The following SMARCA2 variants were observed in gnomAD, a reference collection of about 807,000 sequenced individuals.
SMARCA2 encodes the protein SWI/SNF related BAF chromatin remodeling complex subunit ATPase 2, also known as SWI/SNF-related matrix-associated actin-dependent regulator of chromatin subfamily A member 2.
SMARCA2 carries 61 observed loss-of-function variants against 199.8 expected under a neutral mutation model. The observed-to-expected ratio is 0.31, with a 90% CI of 0.25 to 0.38. The LOEUF (loss-of-function observed/expected upper bound fraction) is 0.38, where lower values mean the gene tolerates loss of function less well. Ranked by LOEUF, SMARCA2 falls within the 10% of genes least tolerant of loss-of-function variation. SMARCA2 has a pLI of 1.00. For synonymous variants in SMARCA2, 935 were observed against 732.0 expected (o/e 1.28, Z -4.48); for missense variants, 1,344 against 2,012.2 (o/e 0.67, Z 6.35).
Position 2,029,128 on chromosome 9 carries a change from T to A in SMARCA2, c.106T>A (p.Ser36Thr). The change falls in exon 2 of 34, where the codon TCC (serine) becomes ACC (threonine). Residue 36 changes from serine to threonine, a missense_variant. Ser to Thr is a moderately conservative substitution (Grantham distance 58, BLOSUM62 1). Transcript: ENST00000349721. Reference sequence around the variant, plus strand: ...TGGGCCTAGTCCAGGACCAGGACCATCCCCAGGTTCCGTCCACAGCATGAT... The same window carrying A: ...TGGGCCTAGTCCAGGACCAGGACCAACCCCAGGTTCCGTCCACAGCATGAT... ...ILGPSPGPGP[S>T]PGSVHSMMGP... is the part of the protein sequence containing the mutation. The A allele has an allele frequency of 6.2e-7, 1 of 1,610,020 alleles. No individual in the cohort carries two copies. Among genetic ancestry groups the A allele is most frequent in the Non-Finnish European group, 8.5e-7 (1 of 1,177,970 alleles).
intron 27 of SMARCA2, among the ~76,000 whole-genome samples, chr9:2,141,941 C>T (rs561051893): frequency 1.2e-4 from 18 of 152,214 alleles, no homozygotes; most frequent in African/African-American, 4.1e-4. Flanking sequence ...GGAGGACTTA[C>T]GCAGAATTGA....
At chr9:2,053,680 A>G (rs1030151371) in intron 5 of SMARCA2, among the ~76,000 whole-genome samples, 1 of 152,216 alleles carries the variant, frequency 6.6e-6, no homozygotes, top group African/African-American at 2.4e-5. Context: ...AATCTAGTTC[A>G]GTACAGTTTG....
At chr9:2,098,494 C>G (rs1041449182) in intron 21 of SMARCA2, among the ~76,000 whole-genome samples, 1 of 152,152 alleles carries the variant, frequency 6.6e-6, no homozygotes, top group Non-Finnish European at 1.5e-5. Context: ...ATTTCTGACA[C>G]TGCTATTCAA....
intron 27 of SMARCA2, among the ~76,000 whole-genome samples, chr9:2,148,653 C>A (rs1824888317): frequency 6.6e-6 from 1 of 151,248 alleles, no homozygotes; most frequent in African/African-American, 2.4e-5. Flanking sequence ...GAGACACACG[C>A]ACATGCCACC....
intron 12 of SMARCA2, 150 bp from the exon 13 acceptor site, chr9:2,076,079 A>C (rs1332386966): frequency 1.6e-6 from 1 of 617,104 alleles, no homozygotes; most frequent in Admixed American, 2.9e-5. Flanking sequence ...ACCTTACTTA[A>C]GTAGATGTTA....
intron 19 of SMARCA2, among the ~76,000 whole-genome samples, chr9:2,095,327 G>A (rs529954381): frequency 5.3e-5 from 8 of 151,700 alleles, no homozygotes; most frequent in Admixed American, 2.0e-4. Flanking sequence ...CTCGTGATTC[G>A]CCCGCCTCGG....
At chr9:2,093,882 T>A (rs1458294126) in intron 19 of SMARCA2, among the ~76,000 whole-genome samples, 1 of 152,244 alleles carries the variant, frequency 6.6e-6, no homozygotes, top group Non-Finnish European at 1.5e-5. Flanking sequence ...GAGACATTAA[T>A]ATTAGTGCAT....
At chr9:2,162,442 T>A (rs1186543079) in intron 28 of SMARCA2, among the ~76,000 whole-genome samples, 1 of 152,180 alleles carries the variant, frequency 6.6e-6, no homozygotes, top group Non-Finnish European at 1.5e-5. Flanking sequence ...CAAATTTACC[T>A]TTTTTATGGG....
chr9:2,047,047 C>G (rs1360345664), intron 4 of SMARCA2, among the ~76,000 whole-genome samples, 182 bp from the exon 5 acceptor site: 1 of 148,694 alleles, frequency 6.7e-6, no homozygotes, highest in Non-Finnish European at 1.5e-5. Flanking sequence ...CCCTGTCTTG[C>G]CCTCCTCTCC....
intron 4 of SMARCA2, chr9:2,046,052 C>G (rs936160117): frequency 6.6e-6 from 1 of 152,070 alleles, no homozygotes. Flanking sequence ...ATTATTAAAT[C>G]GCTCTGAAGT....
chr9:2,189,559 T>G (rs1346565922), intron 32 of SMARCA2, among the ~76,000 whole-genome samples: 1 of 152,176 alleles, frequency 6.6e-6, no homozygotes, highest in Admixed American at 6.5e-5. Flanking sequence ...TATGACTGGC[T>G]TCTTTCATCT....
At chr9:2,025,087 A>AGGAT (rs61051578) in intron 1 of SMARCA2, among the ~76,000 whole-genome samples, 50,363 of 151,716 alleles carry the variant, frequency 0.33, 10,639 homozygotes, top group African/African-American at 0.59. Flanking sequence ...CTAAGGGCAG[A>AGGAT]GGAGATTTGG....
At chr9:2,088,879 A>ATTTTTTTTTTTTTTTTT (rs375056248) in intron 19 of SMARCA2, among the ~76,000 whole-genome samples, 1 of 137,970 alleles carries the variant, frequency 7.2e-6, no homozygotes, top group East Asian at 2.1e-4. Flanking sequence ...TTAATTTTAG[A>ATTTTTTTTTTTTTTTTT]TTTTTTTTTT....
Position 2,073,939 on chromosome 9 carries a change from C to A in SMARCA2, c.1935+316C>A, listed in dbSNP as rs193216619. ...TTGGGGGAGAATTGGAGATGGATTA[C>A]CTTGGGAAAGGCCATACCATACCTC... On this transcript the variant is annotated intron_variant, in intron 12 of 33. Coordinates refer to ENST00000349721, the MANE Select transcript of SMARCA2 (RefSeq NM_003070.5). Among the ~76,000 whole-genome samples, 889 of 152,214 alleles carry A rather than the reference C, an allele frequency of 5.8e-3. 2 individuals are homozygous for A. Among genetic ancestry groups the A allele is most frequent in the Middle Eastern group, 0.034 (10 of 294 alleles).
intron 15 of SMARCA2, among the ~76,000 whole-genome samples, chr9:2,082,741 T>G (rs570172798): frequency 6.6e-6 from 1 of 152,358 alleles, no homozygotes; most frequent in South Asian, 2.1e-4. Flanking sequence ...AGAAGAAGGA[T>G]TCTATTAATA....
intron 1 of SMARCA2, among the ~76,000 whole-genome samples, chr9:2,027,001 C>G (rs1189315127): frequency 6.6e-6 from 1 of 152,212 alleles, no homozygotes; most frequent in East Asian, 1.9e-4. Flanking sequence ...TGATCCCCTG[C>G]TTATGATCAC....
At chr9:2,153,640 G>A (rs1227909575) in intron 27 of SMARCA2, among the ~76,000 whole-genome samples, 1 of 152,046 alleles carries the variant, frequency 6.6e-6, no homozygotes, top group Non-Finnish European at 1.5e-5. Context: ...ACTGTACTAA[G>A]CAAATGCTTA....
intron 28 of SMARCA2, among the ~76,000 whole-genome samples, chr9:2,163,242 C>T (rs1170846321): frequency 6.6e-6 from 1 of 152,112 alleles, no homozygotes; most frequent in African/African-American, 2.4e-5. Context: ...CCATTTTGCC[C>T]ACCAGGTCTC....
chr9:2,072,393 A>G (rs933528347), intron 10 of SMARCA2, among the ~76,000 whole-genome samples: 2 of 152,230 alleles, frequency 1.3e-5, no homozygotes, highest in African/African-American at 4.8e-5. Flanking sequence ...TTCCTTGGAT[A>G]TAGTAGTCTA....
Sources: gnomAD v4.1 joint callset for allele counts (sites outside exome capture counted in the v4.1 genomes callset) on GRCh38, gnomAD v4.1.1 for gene constraint, MANE v1.5 for transcripts, NCBI Gene and HGNC (gene_info 2026-07-23, HGNC 2026-07-21) for gene names.